Variants in PTPRD observed in about 807,000 individuals in gnomAD.
PTPRD encodes the protein protein tyrosine phosphatase receptor type D, also known as receptor-type tyrosine-protein phosphatase delta.
PTPRD carries 34 observed loss-of-function variants against 214.5 expected under a neutral mutation model. The ratio of observed to expected loss-of-function variants is 0.16; its 90% confidence interval spans 0.12 to 0.21. PTPRD has a LOEUF of 0.21. Ranked by LOEUF, PTPRD falls within the 10% of genes least tolerant of loss-of-function variation. The pLI, the probability that PTPRD is intolerant of heterozygous loss-of-function variation, is 1.00. For missense variants in PTPRD, 2,545 were observed against 2,398.7 expected (o/e 1.06, Z -1.27); for synonymous variants, 1,128 against 845.7 (o/e 1.33, Z -5.79).
intron 16 of PTPRD, 112 bp downstream of exon 16, chr9:8,527,233 T>C: frequency 8.7e-7 from 1 of 1,143,092 alleles, no homozygotes; most frequent in Non-Finnish European, 1.3e-6. Flanking sequence ...AGATCTGGTG[T>C]CTACACTGAC....
At chr9:8,906,107 A>T (rs2098705847) in intron 11 of PTPRD, among the ~76,000 whole-genome samples, 1 of 152,240 alleles carries the variant, frequency 6.6e-6, no homozygotes, top group Non-Finnish European at 1.5e-5. Flanking sequence ...CAACACAAAC[A>T]TAATGAATTA....
At chr9:10,598,961 A>G (rs2133269098) in intron 2 of PTPRD, among the ~76,000 whole-genome samples, 1 of 151,834 alleles carries the variant, frequency 6.6e-6, no homozygotes, top group South Asian at 2.1e-4. Flanking sequence ...TCTTACTAAT[A>G]ACAGCCACTC....
At position 10,253,221 on chromosome 9, in the gene PTPRD, C is replaced by A. The variant is rs530072348; in HGVS notation, c.-545+87742G>T. Among the ~76,000 whole-genome samples the A allele has an allele frequency of 1.2e-4, 19 of 152,138 alleles. No individual in the cohort carries two copies. The South Asian group carries it at 3.9e-3, about 32-fold the overall frequency. On this transcript the variant is annotated intron_variant, in intron 3 of 45. Transcript: ENST00000381196. ...CATCACTACTCTGATGTCTGGCATA[C>A]GATTATGAACAAAAGTGACAAATAT...
chr9:8,964,507 T>C (rs1007295157), intron 11 of PTPRD, among the ~76,000 whole-genome samples: 2 of 152,024 alleles, frequency 1.3e-5, no homozygotes, highest in Non-Finnish European at 2.9e-5. Flanking sequence ...AAAGAACCAA[T>C]TTTTGGTTTC....
intron 10 of PTPRD, among the ~76,000 whole-genome samples, chr9:9,061,618 G>C (rs2099707560): frequency 6.6e-6 from 1 of 152,046 alleles, no homozygotes; most frequent in Non-Finnish European, 1.5e-5. Flanking sequence ...AATGTAAGTG[G>C]AAAGGGTCAC....
chr9:9,136,623 A>G (rs2099851328), intron 10 of PTPRD, among the ~76,000 whole-genome samples: 2 of 152,204 alleles, frequency 1.3e-5, no homozygotes, highest in African/African-American at 2.4e-5. Context: ...AGTAAAACAA[A>G]TAGTCCAATG....
intron 5 of PTPRD, among the ~76,000 whole-genome samples, chr9:9,794,500 T>C (rs1197559440): frequency 2.8e-5 from 4 of 144,578 alleles, no homozygotes; most frequent in Non-Finnish European, 6.2e-5. Flanking sequence ...GCATGGGGGG[T>C]ATATGTAGAT....
intron 3 of PTPRD, among the ~76,000 whole-genome samples, chr9:10,115,302 T>C (rs2098721688): frequency 1.3e-5 from 2 of 152,102 alleles, no homozygotes; most frequent in Admixed American, 1.3e-4. Context: ...TTAAGTATGA[T>C]ACATATTTAT....
At chr9:9,789,889 C>G (rs958649425) in intron 5 of PTPRD, among the ~76,000 whole-genome samples, 1 of 150,230 alleles carries the variant, frequency 6.7e-6, no homozygotes, top group African/African-American at 2.5e-5. Flanking sequence ...ATTGTAGCTA[C>G]TGAAATCTCT....
intron 9 of PTPRD, among the ~76,000 whole-genome samples, chr9:9,327,721 C>A (rs932739296): frequency 3.3e-5 from 5 of 152,046 alleles, no homozygotes; most frequent in African/African-American, 1.2e-4. Flanking sequence ...CTCAAGAATA[C>A]TTCTATTTTT....
chr9:10,548,579 C>T (rs906401851), intron 2 of PTPRD, among the ~76,000 whole-genome samples: 2 of 152,120 alleles, frequency 1.3e-5, no homozygotes, highest in African/African-American at 2.4e-5. Context: ...AGCGTAAGCA[C>T]TGACCATGTG....
intron 43 of PTPRD, 77 bp from the exon 44 acceptor site, chr9:8,331,813 C>A: frequency 1.4e-6 from 2 of 1,457,738 alleles, no homozygotes; most frequent in South Asian, 3.0e-5. Context: ...ACCACAAGAA[C>A]AATCATTTTC....
intron 28 of PTPRD, 27 bp from the exon 29 acceptor site, chr9:8,485,351 T>G: frequency 6.5e-7 from 1 of 1,529,500 alleles, no homozygotes; most frequent in South Asian, 1.1e-5. Flanking sequence ...AACAGTGTAT[T>G]TAAACTATTC....
intron 11 of PTPRD, among the ~76,000 whole-genome samples, chr9:8,897,564 G>A (rs992411720): frequency 6.6e-6 from 1 of 152,200 alleles, no homozygotes; most frequent in African/African-American, 2.4e-5. Flanking sequence ...TTCGCCATGA[G>A]CTGTCTGCAC....
At chr9:10,146,202 T>G (rs897567347) in intron 3 of PTPRD, among the ~76,000 whole-genome samples, 1 of 150,310 alleles carries the variant, frequency 6.7e-6, no homozygotes, top group Non-Finnish European at 1.5e-5. Context: ...TGCACACATA[T>G]ATACATACAT....
intron 4 of PTPRD, among the ~76,000 whole-genome samples, chr9:10,032,320 A>G (rs2097097560): frequency 6.6e-6 from 1 of 152,310 alleles, no homozygotes; most frequent in African/African-American, 2.4e-5. Context: ...AAGCTTATCC[A>G]TGACTAAGGG....
chr9:8,873,498 T>A (rs2098337208), intron 11 of PTPRD, among the ~76,000 whole-genome samples: 1 of 152,208 alleles, frequency 6.6e-6, no homozygotes, highest in Non-Finnish European at 1.5e-5. Flanking sequence ...AGGTCAATTA[T>A]AAATATGTGT....
At chr9:8,439,128 T>C (rs1269615484) in intron 34 of PTPRD, among the ~76,000 whole-genome samples, 2 of 152,106 alleles carry the variant, frequency 1.3e-5, no homozygotes, top group African/African-American at 2.4e-5. Context: ...CAAGTAAAAA[T>C]GGCAGATGGA....
intron 10 of PTPRD, among the ~76,000 whole-genome samples, chr9:9,109,041 C>T (rs949192388): frequency 3.9e-5 from 6 of 152,050 alleles, no homozygotes; most frequent in African/African-American, 1.4e-4. Flanking sequence ...CTCCTTTAGG[C>T]AAGAATAAAT....
Sources: allele counts gnomAD v4.1 joint callset (sites outside exome capture counted in the v4.1 genomes callset), GRCh38; gene constraint gnomAD v4.1.1; transcripts MANE v1.5; gene names NCBI Gene and HGNC (gene_info 2026-07-23, HGNC 2026-07-21).